Variants in DCDC2B observed in about 807,000 individuals in gnomAD.
DCDC2B encodes doublecortin domain containing 2B, also known as doublecortin domain-containing protein 2B.
DCDC2B carries 41 observed loss-of-function variants against 38.9 expected under a neutral mutation model. That is an observed-to-expected ratio of 1.05 (90% CI 0.82 to 1.37). The LOEUF is 1.37. Among genes scored for constraint, DCDC2B ranks in the 40% most tolerant of loss-of-function variants. DCDC2B has a pLI of 0.00. For synonymous variants in DCDC2B, 181 were observed against 171.9 expected (o/e 1.05, Z -0.41); for missense variants, 453 against 427.2 (o/e 1.06, Z -0.53).
In DCDC2B at chr1:32,215,829, T is replaced by C; in HGVS notation, c.982T>C (p.Leu328=). 6.4e-7 allele frequency: 1 copy of C among 1,552,992 alleles called. No individual in the cohort carries two copies. Residue 328 remains leucine (L), a synonymous_variant, in exon 9 of 9, where the codon TTG becomes CTG. Coordinates refer to ENST00000409358, the MANE Select transcript of DCDC2B (RefSeq NM_001099434.2). The part of the protein sequence containing the change: ...QRAAQIVEEA[L]SLENQPGAGA... The stretch of plus-strand genomic sequence containing the variant: ...GGCAGCACAGATAGTGGAAGAGGCC[T>C]TGTCCCTGGAAAACCAGCCTGGGGC...
At chr1:32,214,512 C>G in intron 6 of DCDC2B, 1 of 422,622 alleles carries the variant, frequency 2.4e-6, no homozygotes, top group East Asian at 4.5e-5. Context: ...TCTAAGCCCT[C>G]CCAAGAAATG....
chr1:32,212,066 TCA>T lies in DCDC2B; in HGVS notation c.396-3_396-2del, dbSNP rs1643609403. 6.2e-7 allele frequency: 1 copy of T among 1,610,494 alleles called. No homozygotes were observed. The highest frequency in any genetic ancestry group is 8.5e-7 in the Non-Finnish European group (1 of 1,177,264). ...ACTCCCCCTTACCAGGCTTTTTGTC[TCA>T]GTGTGTTCAGGAATGGGGACCTGGT... On this transcript the variant is annotated splice_acceptor_variant and splice_polypyrimidine_tract_variant and intron_variant, in intron 3 of 8. Coordinates refer to ENST00000409358, the MANE Select transcript of DCDC2B (RefSeq NM_001099434.2). LOFTEE classifies it high-confidence loss of function.
chr1:32,215,105 G>T, intron 7 of DCDC2B, 173 bp downstream of exon 7: 1 of 916,872 alleles, frequency 1.1e-6, no homozygotes, highest in Non-Finnish European at 1.6e-6. Flanking sequence ...TCAGGAGACT[G>T]CCCGTAAAAA....
intron 6 of DCDC2B, among the ~76,000 whole-genome samples, chr1:32,214,312 CAAA>C (rs58837364): frequency 3.3e-4 from 17 of 51,974 alleles, no homozygotes; most frequent in Admixed American, 2.6e-3. Context: ...ACTCAAGTCT[CAAA>C]AAAAAAAAAA....
At chr1:32,215,272 TG>T in intron 7 of DCDC2B, 167 bp from the exon 8 acceptor site, 1 of 610,444 alleles carries the variant, frequency 1.6e-6, no homozygotes. Flanking sequence ...ATAGAGGGGA[TG>T]GGGGTGGGAC....
chr1:32,215,273 G>A lies in DCDC2B; in HGVS notation c.851-167G>A, dbSNP rs570202498. The A allele has an allele frequency of 4.7e-6, 3 of 634,068 alleles. No homozygotes were observed. In the Admixed American group the frequency reaches 9.4e-5, roughly 20 times the overall value. 39.3% of individuals were successfully genotyped at this position (634,068 alleles called of 1,614,324 possible). On this transcript the variant is annotated intron_variant, in intron 7 of 8. Transcript: ENST00000409358. ...TTCAGGGGTGGGATATAGAGGGGATGGGGGTGGGACCAAAGGCCCACCTCT... is the reference window on the plus strand; with the variant it reads ...TTCAGGGGTGGGATATAGAGGGGATAGGGGTGGGACCAAAGGCCCACCTCT...
chr1:32,211,404 C>A, intron 2 of DCDC2B, 81 bp downstream of exon 2: 1 of 1,470,210 alleles, frequency 6.8e-7, no homozygotes, highest in Non-Finnish European at 9.4e-7. Flanking sequence ...TCTGGGAAGC[C>A]AGGGAAGCAG....
At chr1:32,211,910 G>A in intron 3 of DCDC2B, 73 bp downstream of exon 3, 2 of 1,551,834 alleles carry the variant, frequency 1.3e-6, no homozygotes, top group Non-Finnish European at 1.7e-6. Flanking sequence ...TGTTGGGTTT[G>A]TTCTAGGAGC....
rs200086869 is a variant in DCDC2B, at chr1:32,209,141, T to TG, written c.52dup (p.Asp18GlyfsTer66). 0.017 allele frequency: 26,840 copies of TG among 1,613,950 alleles called. 298 individuals carry two copies. The highest frequency in any genetic ancestry group is 0.021 in the Non-Finnish European group (24,261 of 1,179,866). Reference sequence around the variant, plus strand: ...CCAAGAGGGTAGTGGTGTACCGGAATGGGGACCCATTCTTCCCAGGCTCCC... The same window carrying TG: ...CCAAGAGGGTAGTGGTGTACCGGAATGGGGGACCCATTCTTCCCAGGCTCCC... On this transcript the variant is annotated frameshift_variant, in exon 1 of 9. Coordinates refer to ENST00000409358, the MANE Select transcript of DCDC2B (RefSeq NM_001099434.2). LOFTEE classifies it high-confidence loss of function.
At chr1:32,212,421 C>CA in intron 4 of DCDC2B, 69 bp from the exon 5 acceptor site, 2 of 1,592,596 alleles carry the variant, frequency 1.3e-6, no homozygotes, top group South Asian at 2.2e-5. Context: ...GCACCCACCC[C>CA]TTCAGTCTGC....
At chr1:32,210,010 T>A (rs960180683) in intron 1 of DCDC2B, among the ~76,000 whole-genome samples, 1 of 152,110 alleles carries the variant, frequency 6.6e-6, no homozygotes, top group African/African-American at 2.4e-5. Flanking sequence ...CTGGCCAACA[T>A]GGCGAAACTC....
At chr1:32,213,462 G>A (rs868103495) in intron 6 of DCDC2B, among the ~76,000 whole-genome samples, 7 of 148,300 alleles carry the variant, frequency 4.7e-5, no homozygotes, top group Non-Finnish European at 3.0e-5. Flanking sequence ...TCAGCCTCCC[G>A]AGTAGCTGGG....
chr1:32,214,293 G>A (rs1643705933), intron 6 of DCDC2B, among the ~76,000 whole-genome samples: 2 of 131,640 alleles, frequency 1.5e-5, no homozygotes, highest in South Asian at 2.4e-4. Context: ...GCCTGGGTGA[G>A]AGAGTAAGAC....
rs1419970803 is a variant in DCDC2B, at chr1:32,209,097, G to A, written c.4G>A (p.Ala2Thr). 1 of 1,613,550 alleles carries A rather than the reference G, an allele frequency of 6.2e-7. No individual in the cohort carries two copies. Among genetic ancestry groups the A allele is most frequent in the South Asian group, 1.1e-5 (1 of 91,048 alleles). The change falls in exon 1 of 9, where the codon GCA (alanine) becomes ACA (threonine). Residue 2 changes from alanine to threonine, a missense_variant. Transcript: ENST00000409358. ...TTTCTCTGACTGAGGATACACTATGGCAGGTGGCAGTCCAGCAGCCAAGAG... is the reference window on the plus strand; with the variant it reads ...TTTCTCTGACTGAGGATACACTATGACAGGTGGCAGTCCAGCAGCCAAGAG... M[A>T]GGSPAAKRVV...
At chr1:32,213,671 G>T (rs1557532600) in intron 6 of DCDC2B, among the ~76,000 whole-genome samples, 1 of 151,816 alleles carries the variant, frequency 6.6e-6, no homozygotes. Flanking sequence ...ACCATGCCCG[G>T]TTAATTTTTT....
intron 6 of DCDC2B, among the ~76,000 whole-genome samples, chr1:32,214,312 C>CAAAAAAAAAAA (rs58837364): frequency 1.9e-5 from 1 of 51,956 alleles, no homozygotes; most frequent in African/African-American, 6.1e-5. Context: ...ACTCAAGTCT[C>CAAAAAAAAAAA]AAAAAAAAAA....
chr1:32,215,793 C>G lies in DCDC2B; in HGVS notation c.955-9C>G. The G allele has an allele frequency of 6.5e-7, 1 of 1,548,154 alleles. No homozygotes were observed. Among genetic ancestry groups the G allele is most frequent in the Non-Finnish European group, 8.7e-7 (1 of 1,144,750 alleles). On this transcript the variant is annotated splice_polypyrimidine_tract_variant and intron_variant, in intron 8 of 8. Transcript: ENST00000409358. ...GGCTCCATTCTGTATGGCCTTCCAC[C>G]TCCTGCAGAGGGCAGCACAGATAGT...
chr1:32,214,312 CAA>C (rs58837364), intron 6 of DCDC2B, among the ~76,000 whole-genome samples: 731 of 51,782 alleles, frequency 0.014, 3 homozygotes, highest in African/African-American at 0.041. Context: ...ACTCAAGTCT[CAA>C]AAAAAAAAAA....
intron 7 of DCDC2B, 39 bp downstream of exon 7, chr1:32,214,971 C>CCAA (rs762390269): frequency 2.8e-5 from 45 of 1,612,154 alleles, no homozygotes; most frequent in Non-Finnish European, 3.6e-5. Context: ...CTCAGCTGCC[C>CCAA]TTTGACAGTG....
Sources: allele counts gnomAD v4.1 joint callset (sites outside exome capture counted in the v4.1 genomes callset), GRCh38; gene constraint gnomAD v4.1.1; transcripts MANE v1.5; gene names NCBI Gene and HGNC (gene_info 2026-07-23, HGNC 2026-07-21).